DPH6: variants seen among roughly 807,000 people sequenced by gnomAD.
The protein encoded by DPH6 is diphthamine biosynthesis 6.
In DPH6, 33 loss-of-function variants were observed where a neutral mutation model predicts 38.2. The ratio of observed to expected loss-of-function variants is 0.86; its 90% CI spans 0.65 to 1.15. The LOEUF (loss-of-function observed/expected upper bound fraction) is 1.15, where lower values mean the gene tolerates loss of function less well. Ranked by LOEUF, DPH6 falls within the 50% of genes most tolerant of loss-of-function variation. DPH6 has a pLI of 0.00. For synonymous variants in DPH6, 108 were observed against 103.0 expected, an observed-to-expected ratio of 1.05 and a Z score of -0.30; for missense variants, 325 against 320.0, an observed-to-expected ratio of 1.02 and a Z score of -0.12.
At chr15:35,350,173 G>A (rs1484386585) in intron 3 of DPH6, among the ~76,000 whole-genome samples, 2 of 151,902 alleles carry the variant, frequency 1.3e-5, no homozygotes, top group East Asian at 1.9e-4. Context: ...AGTCAGGCTT[G>A]GTAAATTCCT....
intron 3 of DPH6, among the ~76,000 whole-genome samples, chr15:35,523,847 G>A (rs150399275): frequency 6.6e-6 from 1 of 152,106 alleles, no homozygotes; most frequent in Non-Finnish European, 1.5e-5. Flanking sequence ...AATGAAAAAT[G>A]TCCCCCTCCA....
intron 5 of DPH6, among the ~76,000 whole-genome samples, chr15:35,445,686 CAA>C (rs1449732787): frequency 6.6e-6 from 1 of 152,054 alleles, no homozygotes; most frequent in Non-Finnish European, 1.5e-5. Context: ...TGAAATTTAT[CAA>C]AACACGCACA....
chr15:35,473,989 A>C (rs951434920), intron 3 of DPH6, among the ~76,000 whole-genome samples: 2 of 151,490 alleles, frequency 1.3e-5, no homozygotes, highest in African/African-American at 2.4e-5. Context: ...TGTAGACATA[A>C]AGTATTTCTA....
intron 3 of DPH6, chr15:35,299,405 T>C (rs2052038394): frequency 1.2e-6 from 1 of 802,152 alleles, no homozygotes; most frequent in Non-Finnish European, 2.3e-6. Flanking sequence ...CCTTCTGTTT[T>C]TGAGTCACTG....
chr15:35,296,846 G>A (rs1470459237), intron 3 of DPH6, among the ~76,000 whole-genome samples: 3 of 114,434 alleles, frequency 2.6e-5, no homozygotes, highest in Admixed American at 1.0e-4. Context: ...CGCCCAGGCC[G>A]GACTGCGGAC....
At chr15:35,467,498 G>T in intron 3 of DPH6, among the ~76,000 whole-genome samples, 1 of 152,222 alleles carries the variant, frequency 6.6e-6, no homozygotes, top group Admixed American at 6.5e-5. Flanking sequence ...CCTGGGAGGC[G>T]GAGGTTGCAG....
intron 3 of DPH6, among the ~76,000 whole-genome samples, chr15:35,291,086 T>C (rs1212393257): frequency 6.6e-6 from 1 of 152,170 alleles, no homozygotes; most frequent in Non-Finnish European, 1.5e-5. Context: ...CCATTTTTTG[T>C]TAAGTTTCAC....
At chr15:35,450,888 T>G in intron 4 of DPH6, 85 bp from the exon 5 acceptor site, 1 of 1,076,074 alleles carries the variant, frequency 9.3e-7, no homozygotes, top group Non-Finnish European at 1.3e-6. Flanking sequence ...ATTTGAAACA[T>G]AATGCTTCGT....
intron 3 of DPH6, among the ~76,000 whole-genome samples, chr15:35,283,323 G>C (rs1241381278): frequency 6.9e-6 from 1 of 145,648 alleles, no homozygotes; most frequent in Non-Finnish European, 1.5e-5. Context: ...TCTTTCTTTT[G>C]AGTCAGAGTC....
At chr15:35,406,845 G>A (rs891487820) in intron 6 of DPH6, among the ~76,000 whole-genome samples, 10 of 152,002 alleles carry the variant, frequency 6.6e-5, no homozygotes, top group African/African-American at 2.4e-4. Context: ...ATACATGTCT[G>A]AAACACAGGA....
At chr15:35,267,165 T>C (rs1411299254) in intron 3 of DPH6, among the ~76,000 whole-genome samples, 1 of 152,010 alleles carries the variant, frequency 6.6e-6, no homozygotes, top group Non-Finnish European at 1.5e-5. Context: ...CTGAGAGCAA[T>C]GAAAAATAAG....
At chr15:35,537,445 TA>T (rs1200880897) in intron 3 of DPH6, among the ~76,000 whole-genome samples, 33 of 152,134 alleles carry the variant, frequency 2.2e-4, no homozygotes, top group Non-Finnish European at 3.8e-4. Context: ...CTTAGAAGAA[TA>T]ACTGAACTGT....
At chr15:35,434,957 A>G (rs1476492427) in intron 5 of DPH6, among the ~76,000 whole-genome samples, 1 of 133,110 alleles carries the variant, frequency 7.5e-6, no homozygotes, top group South Asian at 2.3e-4. Context: ...TTTTTTTTGT[A>G]CAGACAGGGT....
At chr15:35,387,704 C>G in intron 6 of DPH6, among the ~76,000 whole-genome samples, 1 of 152,134 alleles carries the variant, frequency 6.6e-6, no homozygotes, top group East Asian at 1.9e-4. Context: ...TATCCTGAGA[C>G]TTTGCTGAAG....
chr15:35,380,890 G>A (rs78910422), intron 7 of DPH6, among the ~76,000 whole-genome samples: 62 of 152,198 alleles, frequency 4.1e-4, no homozygotes, highest in African/African-American at 1.4e-3. Flanking sequence ...ATGAGTATTT[G>A]TCAAATAAAT....
At chr15:35,318,331 A>G (rs897448000) in intron 3 of DPH6, among the ~76,000 whole-genome samples, 8 of 152,152 alleles carry the variant, frequency 5.3e-5, no homozygotes, top group African/African-American at 1.4e-4. Context: ...CATATCTTCA[A>G]ATAACTAAAG....
chr15:35,441,742 T>C (rs148062299), intron 5 of DPH6, among the ~76,000 whole-genome samples: 158 of 152,172 alleles, frequency 1.0e-3, no homozygotes, highest in African/African-American at 3.7e-3. Flanking sequence ...CAAACCACCA[T>C]GGTACATGTA....
chr15:35,465,810 G>C lies in DPH6; in HGVS notation c.313-10990C>G, dbSNP rs144026018. Among the ~76,000 whole-genome samples the C allele has an allele frequency of 3.2e-4, 48 of 152,142 alleles. No individual in the cohort carries two copies. The East Asian group carries it at 8.9e-3, about 28-fold the overall frequency. ...CCATTGTGGGCTTTCATTAAATAGG[G>C]GAAAAAGTTGTTAAGGCTGAAAGTA... On this transcript the variant is annotated intron_variant, in intron 3 of 8. Coordinates refer to ENST00000256538, the MANE Select transcript of DPH6 (RefSeq NM_080650.4).
At chr15:35,521,541 AAATCT>A in intron 3 of DPH6, 1 of 1,223,606 alleles carries the variant, frequency 8.2e-7, no homozygotes, top group South Asian at 4.3e-5. Flanking sequence ...AATTTTGAAG[AAATCT>A]AAGAGAAAGT....
Sources: allele counts gnomAD v4.1 joint callset (sites outside exome capture counted in the v4.1 genomes callset), GRCh38; gene constraint gnomAD v4.1.1; transcripts MANE v1.5; gene names NCBI Gene and HGNC (gene_info 2026-07-23, HGNC 2026-07-21).